Variants in RUBCNL observed in about 807,000 individuals in gnomAD.
RUBCNL encodes protein associated with UVRAG as autophagy enhancer.
In RUBCNL, 62 loss-of-function variants were observed where a neutral mutation model predicts 69.5. The observed-to-expected ratio is 0.89, with a 90% CI of 0.73 to 1.10. The LOEUF (loss-of-function observed/expected upper bound fraction) is 1.10. Among genes scored for constraint, RUBCNL ranks in the 50% least tolerant of loss-of-function variants. RUBCNL has a pLI of 0.00. For missense variants in RUBCNL, 768 were observed against 798.1 expected, an observed-to-expected ratio of 0.96 and a Z score of 0.45; for synonymous variants, 291 against 303.6, an observed-to-expected ratio of 0.96 and a Z score of 0.43.
chr13:46,375,032 C>T (rs909925240), intron 2 of RUBCNL, among the ~76,000 whole-genome samples: 3 of 152,210 alleles, frequency 2.0e-5, no homozygotes, highest in Non-Finnish European at 4.4e-5. Context: ...ATTTAGTTTT[C>T]GTCACAGAGG....
chr13:46,384,526 A>G (rs2049193705), intron 1 of RUBCNL, among the ~76,000 whole-genome samples: 1 of 152,122 alleles, frequency 6.6e-6, no homozygotes, highest in African/African-American at 2.4e-5. Context: ...CAACCAGCAA[A>G]CAGTACCTGC....
At position 46,372,211 on chromosome 13, in the gene RUBCNL, C is replaced by T. The variant is rs377007908; in HGVS notation, c.265G>A (p.Gly89Ser). The T allele has an allele frequency of 6.2e-7, 1 of 1,614,002 alleles. No individual in the cohort carries two copies. The highest frequency in any genetic ancestry group is 8.5e-7 in the Non-Finnish European group (1 of 1,179,896). The change falls in exon 3 of 15, where the codon GGC becomes AGC. Residue 89 changes from glycine to serine, a missense_variant. Transcript: ENST00000429979. ...HFVTDAASPSGPSPSCLGDSL... is the reference protein window; with the variant it reads ...HFVTDAASPSSPSPSCLGDSL... ...TCCCCGAGGCACGAAGGTGAAGGGC[C>T]TGAGGGAGAGGCAGCATCTGTCACA...
chr13:46,360,800 C>T (rs2048593866), intron 8 of RUBCNL, among the ~76,000 whole-genome samples: 1 of 152,228 alleles, frequency 6.6e-6, no homozygotes, highest in Non-Finnish European at 1.5e-5. Context: ...CCAACATGTA[C>T]TTTCCAATGA....
chr13:46,364,027 T>C (rs1288772052), intron 5 of RUBCNL, among the ~76,000 whole-genome samples: 4 of 151,824 alleles, frequency 2.6e-5, no homozygotes, highest in Admixed American at 6.6e-5. Flanking sequence ...TGTCTTCATT[T>C]GAATAAACAT....
chr13:46,354,375 G>A (rs889005360), intron 10 of RUBCNL, among the ~76,000 whole-genome samples: 3 of 152,166 alleles, frequency 2.0e-5, no homozygotes, highest in Non-Finnish European at 1.5e-5. Flanking sequence ...GGTGAAGGGT[G>A]TACAGGAACT....
chr13:46,354,579 G>A (rs1169808919), intron 10 of RUBCNL, among the ~76,000 whole-genome samples: 2 of 152,122 alleles, frequency 1.3e-5, no homozygotes, highest in South Asian at 2.1e-4. Context: ...GGCCACACAG[G>A]GTTTCTTTTA....
intron 1 of RUBCNL, chr13:46,385,173 A>T (rs1475791664): frequency 9.4e-6 from 5 of 529,476 alleles, no homozygotes; most frequent in Non-Finnish European, 1.2e-5. Flanking sequence ...ACAATGTCCT[A>T]TGAAGGTTAG....
chr13:46,381,813 C>T (rs2049123320), intron 1 of RUBCNL, among the ~76,000 whole-genome samples: 1 of 152,086 alleles, frequency 6.6e-6, no homozygotes, highest in African/African-American at 2.4e-5. Flanking sequence ...AACTCCTGAC[C>T]TCAGGTGATC....
rs1320447053 is a variant in RUBCNL, at chr13:46,337,828, C to T, written c.*5557G>A. Among the ~76,000 whole-genome samples the T allele has an allele frequency of 2.0e-5, 3 of 152,116 alleles. No homozygotes were observed. Among genetic ancestry groups the T allele is most frequent in the Admixed American group, 6.5e-5 (1 of 15,278 alleles). ...CTTGTAAAAAGTCCAATGCAGGCAC[C>T]GCACTCCTGAGTAGTTCTATTTCAA... On this transcript the variant is annotated 3_prime_UTR_variant, in exon 15 of 15. Coordinates refer to ENST00000429979, the MANE Select transcript of RUBCNL (RefSeq NM_025113.5).
At chr13:46,354,751 A>G in intron 10 of RUBCNL, 1 of 456,666 alleles carries the variant, frequency 2.2e-6, no homozygotes, top group Non-Finnish European at 4.4e-6. Flanking sequence ...ACTTTGTGTT[A>G]CATACACTTA....
At chr13:46,364,887 TAA>T (rs1229313949) in intron 5 of RUBCNL, among the ~76,000 whole-genome samples, 1 of 152,168 alleles carries the variant, frequency 6.6e-6, no homozygotes, top group Non-Finnish European at 1.5e-5. Flanking sequence ...CATGTTTTCT[TAA>T]AGTTTCAGCT....
At chr13:46,386,010 C>T (rs1255281488) in intron 1 of RUBCNL, among the ~76,000 whole-genome samples, 4 of 152,098 alleles carry the variant, frequency 2.6e-5, no homozygotes, top group African/African-American at 4.8e-5. Context: ...CACTCTGGAC[C>T]GGTAATCACG....
chr13:46,368,823 T>C lies in RUBCNL; in HGVS notation c.536-8A>G. Reference sequence around the variant, plus strand: ...TACTGACTTGAACAGCACCTGCCAATATAGCAAATTGTTAAAAATGGGGAA... The same window carrying C: ...TACTGACTTGAACAGCACCTGCCAACATAGCAAATTGTTAAAAATGGGGAA... On this transcript the variant is annotated splice_region_variant and splice_polypyrimidine_tract_variant and intron_variant, in intron 3 of 14. Coordinates refer to ENST00000429979, the MANE Select transcript of RUBCNL (RefSeq NM_025113.5). 1 of 1,601,992 alleles carries C rather than the reference T, an allele frequency of 6.2e-7. No individual in the cohort carries two copies.
chr13:46,353,683 GC>G (rs2048420088), intron 10 of RUBCNL, among the ~76,000 whole-genome samples: 1 of 152,170 alleles, frequency 6.6e-6, no homozygotes, highest in African/African-American at 2.4e-5. Context: ...GAGAAATCCT[GC>G]TCCAAAACAC....
Position 46,366,975 on chromosome 13 carries a change from G to C in RUBCNL, c.826+1067C>G, listed in dbSNP as rs187236419. On this transcript the variant is annotated intron_variant, in intron 5 of 14. Coordinates refer to ENST00000429979, the MANE Select transcript of RUBCNL (RefSeq NM_025113.5). ...TCCAGGACTGAAAACATAGATTCAG[G>C]AGATAATAGCTGAGAAGGAATAATT... Among the ~76,000 whole-genome samples the C allele has an allele frequency of 2.0e-5, 3 of 152,298 alleles. No individual in the cohort carries two copies. The South Asian group carries it at 6.2e-4, about 32-fold the overall frequency.
chr13:46,337,107 CA>C lies in RUBCNL; in HGVS notation c.*6277del, dbSNP rs1181668774. Among the ~76,000 whole-genome samples, 1 of 150,912 alleles carries C rather than the reference CA, an allele frequency of 6.6e-6. No homozygotes were observed. Among genetic ancestry groups the C allele is most frequent in the Admixed American group, 6.6e-5 (1 of 15,144 alleles). Reference sequence around the variant, plus strand: ...ATTAGTGCCCTTGTAAAACAGACCCCAGGGGGTTCTCTCTCTCTCTCTTTTC... The same window carrying C: ...ATTAGTGCCCTTGTAAAACAGACCCCGGGGGTTCTCTCTCTCTCTCTTTTC... On this transcript the variant is annotated 3_prime_UTR_variant, in exon 15 of 15. Coordinates refer to ENST00000429979, the MANE Select transcript of RUBCNL (RefSeq NM_025113.5).
In RUBCNL at chr13:46,350,214, A is replaced by G. The variant is rs1227435700; in HGVS notation, c.1468T>C (p.Ser490Pro). 6.3e-7 allele frequency: 1 copy of G among 1,593,720 alleles called. No homozygotes were observed. Among genetic ancestry groups the G allele is most frequent in the East Asian group, 2.3e-5 (1 of 44,096 alleles). ...DFKKYYVSNF[S>P]KQLLDSIWHQ... is the part of the protein sequence containing the mutation. Reference sequence around the variant, plus strand: ...CATATGCTGTCGAGCAGCTGTTTGGAGAAATTGCTGACGTAGTACTTCTTG... The same window carrying G: ...CATATGCTGTCGAGCAGCTGTTTGGGGAAATTGCTGACGTAGTACTTCTTG... The change falls in exon 11 of 15, where the codon TCC (serine) becomes CCC (proline). Residue 490 changes from serine (S) to proline (P), a missense_variant. By Grantham distance (74) the Ser-to-Pro change is moderately conservative. Coordinates refer to ENST00000429979, the MANE Select transcript of RUBCNL (RefSeq NM_025113.5).
chr13:46,376,742 A>G (rs1187144546), intron 2 of RUBCNL, among the ~76,000 whole-genome samples: 1 of 152,242 alleles, frequency 6.6e-6, no homozygotes, highest in Non-Finnish European at 1.5e-5. Context: ...TATTCTTTCT[A>G]GACCTTTATC....
chr13:46,348,174 G>C (rs1374812593), intron 12 of RUBCNL, among the ~76,000 whole-genome samples: 1 of 152,170 alleles, frequency 6.6e-6, no homozygotes, highest in Non-Finnish European at 1.5e-5. Context: ...CCAGGAGTTA[G>C]GCTAAGAGGA....
Sources: allele counts gnomAD v4.1 joint callset (sites outside exome capture counted in the v4.1 genomes callset), GRCh38; gene constraint gnomAD v4.1.1; transcripts MANE v1.5; gene names NCBI Gene and HGNC (gene_info 2026-07-23, HGNC 2026-07-21).